The following TAF1L variants were observed in gnomAD, a reference collection of about 807,000 sequenced individuals.
The protein encoded by TAF1L is transcription initiation factor TFIID subunit 1-like.
A neutral mutation model predicts 128.8 loss-of-function variants in TAF1L; 30 were observed. That is an observed-to-expected ratio of 0.23 (90% CI 0.17 to 0.32). The LOEUF (loss-of-function observed/expected upper bound fraction) is 0.32. Ranked by LOEUF, TAF1L falls within the 10% of genes least tolerant of loss-of-function variation. The pLI is 1.00. For missense variants in TAF1L, 2,099 were observed against 2,253.7 expected, an observed-to-expected ratio of 0.93 and a Z score of 1.39; for synonymous variants, 764 against 790.7, an observed-to-expected ratio of 0.97 and a Z score of 0.57.
Position 32,630,031 on chromosome 9 carries a change from T to C in TAF1L, c.*68A>G. ...TCAGGCTCCTCACAGCTCCCATAACTGATGTTGCTATCCTCCAAATCATGG... is the reference window on the plus strand; with the variant it reads ...TCAGGCTCCTCACAGCTCCCATAACCGATGTTGCTATCCTCCAAATCATGG... On this transcript the variant is annotated 3_prime_UTR_variant, in exon 1 of 1. Coordinates refer to ENST00000242310, the MANE Select transcript of TAF1L (RefSeq NM_153809.2). 6.3e-7 allele frequency: 1 copy of C among 1,599,540 alleles called. No homozygotes were observed. Among genetic ancestry groups the C allele is most frequent in the South Asian group, 1.1e-5 (1 of 87,172 alleles).
Position 32,633,582 on chromosome 9 carries a change from G to A in TAF1L, c.1998C>T (p.Ala666=). The part of the protein sequence containing the change: ...QPLLKHIKKK[A]KMREQERQAS... ...CTTGCCTCTCTTGTTCTCTCATCTT[G>A]GCCTTTTTTTTGATGTGCTTTAGCA... is the stretch of plus-strand genomic sequence containing the variant. The change falls in exon 1 of 1, where the codon GCC becomes GCT. Residue 666 remains alanine, a synonymous_variant. Coordinates refer to ENST00000242310, the MANE Select transcript of TAF1L (RefSeq NM_153809.2). The A allele has an allele frequency of 1.9e-6, 3 of 1,614,096 alleles. No homozygotes were observed. The highest frequency in any genetic ancestry group is 2.5e-6 in the Non-Finnish European group (3 of 1,180,034).
rs1298547369 is a variant in TAF1L at position 32,635,321 on chromosome 9, T to A, written c.259A>T (p.Thr87Ser). The change falls in exon 1 of 1, where the codon ACT (threonine) becomes TCT (serine). Residue 87 changes from threonine to serine, a missense_variant. By Grantham distance (58) the Thr-to-Ser change is moderately conservative. Transcript: ENST00000242310. ...TTTACCAAGGCACCGCCAGTCCCAG[T>A]CAATTCTTCATTTGCCGTGAGTTCA... ...ITELTANEEL[T>S]GTGGALVNDE... The A allele has an allele frequency of 6.2e-7, 1 of 1,614,118 alleles. No individual in the cohort carries two copies.
At position 32,633,632 on chromosome 9, in the gene TAF1L, G is replaced by C; in HGVS notation, c.1948C>G (p.Pro650Ala). The C allele has an allele frequency of 6.2e-7, 1 of 1,614,188 alleles. No homozygotes were observed. Among genetic ancestry groups the C allele is most frequent in the South Asian group, 1.1e-5 (1 of 91,082 alleles). ...KKYSFGALSQ[P>A]GPHSVQPLLK... The stretch of plus-strand genomic sequence containing the variant: ...AAAGGTTGGACTGAATGGGGACCTG[G>C]CTGAGAGAGTGCACCAAATGAGTAC... The change falls in exon 1 of 1, where the codon CCA becomes GCA. Residue 650 changes from proline (P) to alanine (A), a missense_variant. This residue lies in a region of TAF1L where 1,213 missense variants were observed against 1,391.4 expected (regional missense o/e 0.87). Transcript: ENST00000242310.
Position 32,630,297 on chromosome 9 carries a change from A to G in TAF1L, c.5283T>C (p.Tyr1761=), listed in dbSNP as rs1417190042. 6.2e-7 allele frequency: 1 copy of G among 1,613,988 alleles called. No individual in the cohort carries two copies. Among genetic ancestry groups the G allele is most frequent in the Non-Finnish European group, 8.5e-7 (1 of 1,180,024 alleles). ...CTCCTTCAGATATAAGCAAATCCTC[A>G]TACAGGACACTGGCTTCAGGTTGTT... ...TVQQPEASVL[Y]EDLLISEGED... is the part of the protein sequence containing the mutation. Residue 1761 remains tyrosine, a synonymous_variant, in exon 1 of 1, where the codon TAT becomes TAC. Transcript: ENST00000242310.
chr9:32,634,839 G>A lies in TAF1L; in HGVS notation c.741C>T (p.Thr247=), dbSNP rs141107032. Residue 247 remains threonine, a synonymous_variant, in exon 1 of 1, where the codon ACC becomes ACT. Coordinates refer to ENST00000242310, the MANE Select transcript of TAF1L (RefSeq NM_153809.2). Reference sequence around the variant, plus strand: ...CAGGTCGAAATTCTGGAAAAAGTTCGGTGACACTTGGCAACAGCTTGGTGG... The same window carrying A: ...CAGGTCGAAATTCTGGAAAAAGTTCAGTGACACTTGGCAACAGCTTGGTGG... The part of the protein sequence containing the change: ...HDATKLLPSV[T]ELFPEFRPGK... The A allele has an allele frequency of 2.4e-4, 390 of 1,614,124 alleles. No individual in the cohort carries two copies. The highest frequency in any genetic ancestry group is 9.9e-4 in the Middle Eastern group (6 of 6,062).
At position 32,634,541 on chromosome 9, in the gene TAF1L, C is replaced by T; in HGVS notation, c.1039G>A (p.Val347Ile). 3 of 1,614,218 alleles carry T rather than the reference C, an allele frequency of 1.9e-6. No individual in the cohort carries two copies. The highest frequency in any genetic ancestry group is 1.7e-6 in the Non-Finnish European group (2 of 1,180,038). ...GGTTTGGTATCTGTCACTTTATCTA[C>T]ATCTCCAGTTGATTGGGAAAATTTG... is the stretch of plus-strand genomic sequence containing the variant. Reference protein sequence around the residue: ...ESKFSQSTGDVDKVTDTKPRV... With the variant: ...ESKFSQSTGDIDKVTDTKPRV... The change falls in exon 1 of 1, where the codon GTA becomes ATA. Residue 347 changes from valine (V) to isoleucine (I), a missense_variant. Val to Ile is a conservative substitution (Grantham distance 29). Transcript: ENST00000242310.
In TAF1L at chr9:32,630,389, T is replaced by C; in HGVS notation, c.5191A>G (p.Lys1731Glu). 3 of 1,614,226 alleles carry C rather than the reference T, an allele frequency of 1.9e-6. No homozygotes were observed. Among genetic ancestry groups the C allele is most frequent in the Non-Finnish European group, 2.5e-6 (3 of 1,180,036 alleles). Residue 1731 changes from lysine to glutamate, a missense_variant, in exon 1 of 1, where the codon AAA becomes GAA. By Grantham distance (56) the Lys-to-Glu change is moderately conservative (BLOSUM62 1). Around this residue, in one of 4 missense-constraint regions of TAF1L, gnomAD observed 404 missense variants for 406.5 expected, o/e 0.99. Coordinates refer to ENST00000242310, the MANE Select transcript of TAF1L (RefSeq NM_153809.2). ...EGYDDEEEDG[K>E]PKPPAPEGGD... ...CCTTCTGGGGCTGGAGGCTTAGGTTTCCCATCCTCCTCCTCATCATCATAC... is the reference window on the plus strand; with the variant it reads ...CCTTCTGGGGCTGGAGGCTTAGGTTCCCCATCCTCCTCCTCATCATCATAC...
chr9:32,633,046 C>T lies in TAF1L; in HGVS notation c.2534G>A (p.Arg845Gln), dbSNP rs34787787. ...AAAGGCTTTTTTTATATCTTCCATT[C>T]GTATCCTCCGTGGCCGATCTTTACT... ...WKSKDRPRRIRMEDIKKAFPS... is the reference protein window; with the variant it reads ...WKSKDRPRRIQMEDIKKAFPS... Residue 845 changes from arginine (R) to glutamine (Q), a missense_variant, in exon 1 of 1, where the codon CGA (arginine) becomes CAA (glutamine). Arg to Gln is a conservative substitution (Grantham distance 43). Transcript: ENST00000242310. 1.1e-4 allele frequency: 182 copies of T among 1,614,030 alleles called. No homozygotes were observed. Among genetic ancestry groups the T allele is most frequent in the Non-Finnish European group, 1.5e-4 (175 of 1,180,032 alleles).
Position 32,630,005 on chromosome 9 carries a change from A to G in TAF1L, c.*94T>C. ...TTGTGTCTTGGGTGTTCAACTTGGG[A>G]TCAGGCTCCTCACAGCTCCCATAAC... On this transcript the variant is annotated 3_prime_UTR_variant, in exon 1 of 1. Coordinates refer to ENST00000242310, the MANE Select transcript of TAF1L (RefSeq NM_153809.2). 2 of 1,577,532 alleles carry G rather than the reference A, an allele frequency of 1.3e-6. No homozygotes were observed. Among genetic ancestry groups the G allele is most frequent in the Non-Finnish European group, 1.7e-6 (2 of 1,163,756 alleles).
chr9:32,630,132 A>G lies in TAF1L; in HGVS notation c.5448T>C (p.Ala1816=). The part of the protein sequence containing the change: ...RPKQPFMLQH[A]SGEHKDGHGK ...CGTGCCCATCCTTGTGTTCTCCTGA[A>G]GCATGCTGAAGCATGAAGGGTTGTT... Residue 1816 remains alanine (A), a synonymous_variant, in exon 1 of 1, where the codon GCT becomes GCC. Transcript: ENST00000242310. 1 of 1,614,156 alleles carries G rather than the reference A, an allele frequency of 6.2e-7. No individual in the cohort carries two copies. Among genetic ancestry groups the G allele is most frequent in the Non-Finnish European group, 8.5e-7 (1 of 1,180,016 alleles).
chr9:32,629,842 A>C lies in TAF1L; in HGVS notation c.*257T>G. The C allele has an allele frequency of 1.6e-6, 1 of 633,798 alleles. No individual in the cohort carries two copies. Among genetic ancestry groups the C allele is most frequent in the Non-Finnish European group, 2.7e-6 (1 of 367,984 alleles). 39.3% of individuals were successfully genotyped at this position (633,798 alleles called of 1,614,324 possible). On this transcript the variant is annotated 3_prime_UTR_variant, in exon 1 of 1. Coordinates refer to ENST00000242310, the MANE Select transcript of TAF1L (RefSeq NM_153809.2). ...CCTGGCTAATTTTTGTATTTTTAGT[A>C]GAGATGAAGTTTCGACATGTTGGCC...
Position 32,630,364 on chromosome 9 carries a change from C to G in TAF1L, c.5216G>C (p.Gly1739Ala). 1 of 1,614,238 alleles carries G rather than the reference C, an allele frequency of 6.2e-7. No homozygotes were observed. The highest frequency in any genetic ancestry group is 8.5e-7 in the Non-Finnish European group (1 of 1,180,038). ...DGKPKPPAPE[G>A]GDGDLADEEE... Reference sequence around the variant, plus strand: ...TTCATCTGCAAGATCACCATCTCCCCCTTCTGGGGCTGGAGGCTTAGGTTT... The same window carrying G: ...TTCATCTGCAAGATCACCATCTCCCGCTTCTGGGGCTGGAGGCTTAGGTTT... Residue 1739 changes from glycine (G) to alanine (A), a missense_variant, in exon 1 of 1, where the codon GGG becomes GCG. This residue lies in a region of TAF1L where 404 missense variants were observed against 406.5 expected (regional missense o/e 0.99). Transcript: ENST00000242310.
At position 32,631,416 on chromosome 9, in the gene TAF1L, T is replaced by C; in HGVS notation, c.4164A>G (p.Ile1388Met). 1 of 1,614,074 alleles carries C rather than the reference T, an allele frequency of 6.2e-7. No individual in the cohort carries two copies. The highest frequency in any genetic ancestry group is 1.1e-5 in the South Asian group (1 of 91,076). The change falls in exon 1 of 1, where the codon ATA becomes ATG. Residue 1388 changes from isoleucine to methionine, a missense_variant. Ile to Met is a conservative substitution (Grantham distance 10). This residue lies in a region of TAF1L where 1,213 missense variants were observed against 1,391.4 expected (regional missense o/e 0.87). Coordinates refer to ENST00000242310, the MANE Select transcript of TAF1L (RefSeq NM_153809.2). The surrounding 1 kb of genome is among the most constrained non-coding windows in gnomAD (Gnocchi z 4.1). ...GGCGTCGGTGGATGGACTTATGAGG[T>C]ATATTCAAATAGTCACAATGAACAG... Reference protein sequence around the residue: ...GTTVHCDYLNIPHKSIHRRRT... With the variant: ...GTTVHCDYLNMPHKSIHRRRT...
rs1213517927 is a variant in TAF1L, at chr9:32,634,516, G to T, written c.1064C>A (p.Pro355Gln). ...CCCATAACGCCACTCAGCCACTCTTGGTTTGGTATCTGTCACTTTATCTAC... is the reference window on the plus strand; with the variant it reads ...CCCATAACGCCACTCAGCCACTCTTTGTTTGGTATCTGTCACTTTATCTAC... Reference protein sequence around the residue: ...GDVDKVTDTKPRVAEWRYGPA... With the variant: ...GDVDKVTDTKQRVAEWRYGPA... Residue 355 changes from proline (P) to glutamine (Q), a missense_variant, in exon 1 of 1, where the codon CCA becomes CAA. By Grantham distance (76) the Pro-to-Gln change is moderately conservative (BLOSUM62 -1). Transcript: ENST00000242310. 6.2e-7 allele frequency: 1 copy of T among 1,614,192 alleles called. No homozygotes were observed.
chr9:32,635,635 T>C lies in TAF1L; in HGVS notation c.-56A>G. ...AGTGATCTACTTAGCTCCCTTACCC[T>C]ACCAGCGTCTACCGGAAGCTGAATA... On this transcript the variant is annotated 5_prime_UTR_variant, in exon 1 of 1. Coordinates refer to ENST00000242310, the MANE Select transcript of TAF1L (RefSeq NM_153809.2). 7.9e-7 allele frequency: 1 copy of C among 1,272,012 alleles called. No homozygotes were observed. The highest frequency in any genetic ancestry group is 1.0e-6 in the Non-Finnish European group (1 of 980,456). The allele number at this position is 1,272,012 out of a possible 1,614,324, so 78.8% of individuals were successfully genotyped here.
In TAF1L at chr9:32,632,925, A is replaced by G; in HGVS notation, c.2655T>C (p.Ser885=). The G allele has an allele frequency of 6.2e-7, 1 of 1,614,246 alleles. No homozygotes were observed. Among genetic ancestry groups the G allele is most frequent in the Admixed American group, 1.7e-5 (1 of 60,032 alleles). The change falls in exon 1 of 1, where the codon TCT becomes TCC. Residue 885 remains serine, a synonymous_variant. Transcript: ENST00000242310. This position sits in a 1 kb window ranked among gnomAD's most constrained non-coding sequence, Gnocchi z 4.4. ...CTTCTTCCGTTGGTAAACGAAAATC[A>G]GACTTAAGCACCCACCAGTTTGAAT... ...GMDSNWWVLK[S]DFRLPTEEEI...
Position 32,631,956 on chromosome 9 carries a change from A to G in TAF1L, c.3624T>C (p.Ala1208=). ...GTATGCGCACATAGGCATCAATGACAGCTGGTTTTCGGACTGTCTCACAGC... is the reference window on the plus strand; with the variant it reads ...GTATGCGCACATAGGCATCAATGACGGCTGGTTTTCGGACTGTCTCACAGC... The part of the protein sequence containing the change: ...YVRCETVRKP[A]VIDAYVRIRT... Residue 1208 remains alanine, a synonymous_variant, in exon 1 of 1, where the codon GCT becomes GCC. Coordinates refer to ENST00000242310, the MANE Select transcript of TAF1L (RefSeq NM_153809.2). The surrounding 1 kb of genome is among the most constrained non-coding windows in gnomAD (Gnocchi z 4.1). 6.2e-7 allele frequency: 1 copy of G among 1,614,212 alleles called. No homozygotes were observed. The highest frequency in any genetic ancestry group is 1.1e-5 in the South Asian group (1 of 91,082).
Position 32,631,492 on chromosome 9 carries a change from T to C in TAF1L, c.4088A>G (p.Lys1363Arg). Reference sequence around the variant, plus strand: ...TGGAGGAAGCTGCTGTTTAGGAAACTTGAGAACCAGAGATTTTCTGCGAAC... The same window carrying C: ...TGGAGGAAGCTGCTGTTTAGGAAACCTGAGAACCAGAGATTTTCTGCGAAC... ...HEVRRKSLVL[K>R]FPKQQLPPKK... The change falls in exon 1 of 1, where the codon AAG (lysine) becomes AGG (arginine). Residue 1363 changes from lysine (K) to arginine (R), a missense_variant. By Grantham distance (26) the Lys-to-Arg change is conservative (BLOSUM62 2). This residue lies in a region of TAF1L where 1,213 missense variants were observed against 1,391.4 expected (regional missense o/e 0.87). Transcript: ENST00000242310. The surrounding 1 kb of genome is among the most constrained non-coding windows in gnomAD (Gnocchi z 4.1). The C allele has an allele frequency of 6.2e-7, 1 of 1,614,082 alleles. No homozygotes were observed. Among genetic ancestry groups the C allele is most frequent in the South Asian group, 1.1e-5 (1 of 91,062 alleles).
chr9:32,631,286 C>T lies in TAF1L; in HGVS notation c.4294G>A (p.Val1432Ile), dbSNP rs759663955. 1.8e-5 allele frequency: 29 copies of T among 1,614,002 alleles called. No homozygotes were observed. Among genetic ancestry groups the T allele is most frequent in the Non-Finnish European group, 2.0e-5 (24 of 1,180,040 alleles). Reference sequence around the variant, plus strand: ...ATGATTTTGTAGTAGTCCTTTACAACCTTTGCATTGACTGGAGTGTGGAAA... The same window carrying T: ...ATGATTTTGTAGTAGTCCTTTACAATCTTTGCATTGACTGGAGTGTGGAAA... The part of the protein sequence containing the change: ...HPFHTPVNAK[V>I]VKDYYKIITR... The change falls in exon 1 of 1, where the codon GTT becomes ATT. Residue 1432 changes from valine (V) to isoleucine (I), a missense_variant. By Grantham distance (29) the Val-to-Ile change is conservative. Transcript: ENST00000242310. The surrounding 1 kb of genome is among the most constrained non-coding windows in gnomAD (Gnocchi z 4.1).
Sources: gnomAD v4.1 joint callset for allele counts on GRCh38, gnomAD v4.1.1 for gene constraint, gnomAD v4.1.1 regional missense constraint, Gnocchi (gnomAD v3.1) non-coding constraint, MANE v1.5 for transcripts, NCBI Gene and HGNC (gene_info 2026-07-23, HGNC 2026-07-21) for gene names.